The following STK32C variants were observed in gnomAD, a reference collection of about 807,000 sequenced individuals.
STK32C encodes serine/threonine-protein kinase 32C.
A neutral mutation model predicts 56.5 loss-of-function variants in STK32C; 31 were observed. The observed-to-expected ratio is 0.55, with a 90% confidence interval of 0.41 to 0.74. STK32C has a LOEUF of 0.74. Ranked by LOEUF, STK32C falls within the 30% of genes least tolerant of loss-of-function variation. STK32C has a pLI of 0.00. For synonymous variants in STK32C, 309 were observed against 289.4 expected, an observed-to-expected ratio of 1.07 and a Z score of -0.69; for missense variants, 544 against 676.9, an observed-to-expected ratio of 0.80 and a Z score of 2.18.
chr10:132,232,274 GGGT>G (rs978422002), intron 2 of STK32C, among the ~76,000 whole-genome samples: 16 of 152,202 alleles, frequency 1.1e-4, no homozygotes, highest in Non-Finnish European at 2.9e-5. Context: ...AGGTGGTTTG[GGGT>G]GGTGTGGGGT....
chr10:132,244,119 G>T (rs10870276), intron 2 of STK32C, among the ~76,000 whole-genome samples: 30,394 of 152,146 alleles, frequency 0.2, 3,544 homozygotes, highest in Non-Finnish European at 0.28. Context: ...GACCCCTCCA[G>T]GTCAGTGACA....
In STK32C at chr10:132,257,697, T is replaced by A. The variant is rs542617863; in HGVS notation, c.263-11742A>T. On this transcript the variant is annotated intron_variant, in intron 1 of 11. Coordinates refer to ENST00000298630, the MANE Select transcript of STK32C (RefSeq NM_173575.4). ...GCCCACTGTGAGCCAATGATGGCAA[T>A]CCCAGGCCTGACACCCCCACAATCC... Among the ~76,000 whole-genome samples, 18 of 143,712 alleles carry A rather than the reference T, an allele frequency of 1.3e-4. No homozygotes were observed. In the South Asian group the frequency reaches 4.0e-3, roughly 32 times the overall value. The allele number at this position is 143,712 out of a possible 152,430, so 94.3% of individuals were successfully genotyped here. A position where few individuals can be genotyped will look rare whatever the true frequency, so the allele number is the denominator to read the frequency against.
intron 1 of STK32C, among the ~76,000 whole-genome samples, chr10:132,251,231 G>A (rs769054455): frequency 5.3e-5 from 8 of 152,198 alleles, no homozygotes; most frequent in Non-Finnish European, 8.8e-5. Flanking sequence ...ACCCAGTTTC[G>A]CCTAGTCCCA....
At chr10:132,305,757 G>A (rs2066039725) in intron 1 of STK32C, among the ~76,000 whole-genome samples, 1 of 152,234 alleles carries the variant, frequency 6.6e-6, no homozygotes. Context: ...TGCCCTGCCA[G>A]TGACAGGAAG....
At chr10:132,217,790 A>G (rs1045714431) in intron 10 of STK32C, among the ~76,000 whole-genome samples, 31 of 152,090 alleles carry the variant, frequency 2.0e-4, no homozygotes, top group African/African-American at 7.2e-4. Flanking sequence ...GTAAGATGTG[A>G]CTTTCTCCTC....
At chr10:132,285,950 C>A (rs1280071316) in intron 1 of STK32C, among the ~76,000 whole-genome samples, 2 of 151,994 alleles carry the variant, frequency 1.3e-5, no homozygotes, top group South Asian at 2.1e-4. Context: ...CAGTGAAATC[C>A]CATCTCTACT....
chr10:132,254,673 C>T (rs1484468787), intron 1 of STK32C, among the ~76,000 whole-genome samples: 4 of 63,860 alleles, frequency 6.3e-5, no homozygotes, highest in Admixed American at 1.2e-4. Flanking sequence ...TATGTCACCC[C>T]GGCACAATGC....
intron 1 of STK32C, among the ~76,000 whole-genome samples, chr10:132,286,312 C>T (rs1356995675): frequency 6.6e-6 from 1 of 152,146 alleles, no homozygotes. Context: ...ACAAAGAAAA[C>T]TCCAGGGTCA....
At chr10:132,283,208 C>G (rs2065269683) in intron 1 of STK32C, among the ~76,000 whole-genome samples, 1 of 152,280 alleles carries the variant, frequency 6.6e-6, no homozygotes, top group African/African-American at 2.4e-5. Context: ...TATCTCAGCT[C>G]TGTGAGCGCT....
intron 1 of STK32C, among the ~76,000 whole-genome samples, chr10:132,282,370 C>A (rs2065239623): frequency 1.3e-5 from 2 of 152,370 alleles, no homozygotes; most frequent in South Asian, 4.1e-4. Flanking sequence ...TGGTTTCCTG[C>A]AGTTTTCTGG....
intron 10 of STK32C, among the ~76,000 whole-genome samples, chr10:132,216,817 G>T (rs191236078): frequency 1.3e-5 from 2 of 152,208 alleles, no homozygotes; most frequent in African/African-American, 4.8e-5. Context: ...TGTTGAGCCC[G>T]CAGGTGCACA....
chr10:132,290,480 T>A (rs902100886), intron 1 of STK32C, among the ~76,000 whole-genome samples: 8 of 152,248 alleles, frequency 5.3e-5, no homozygotes, highest in Non-Finnish European at 8.8e-5. Context: ...ATGCGATTAC[T>A]GTGCACATGT....
intron 1 of STK32C, among the ~76,000 whole-genome samples, chr10:132,304,225 T>C (rs2065992244): frequency 6.6e-6 from 1 of 152,186 alleles, no homozygotes; most frequent in Admixed American, 6.5e-5. Flanking sequence ...AAGTCACAGC[T>C]GCTCAGGGGA....
At chr10:132,230,489 T>TACA (rs1383790565) in intron 2 of STK32C, among the ~76,000 whole-genome samples, 7 of 151,978 alleles carry the variant, frequency 4.6e-5, no homozygotes, top group African/African-American at 1.5e-4. Flanking sequence ...AGACGGTCAC[T>TACA]GCAGGCTCAA....
chr10:132,279,282 T>C (rs1214540928), intron 1 of STK32C, among the ~76,000 whole-genome samples: 1 of 152,178 alleles, frequency 6.6e-6, no homozygotes, highest in Non-Finnish European at 1.5e-5. Flanking sequence ...GACATGACCA[T>C]GTTACGGCCA....
rs538507868 is a variant in STK32C, at chr10:132,294,696, C to T, written c.262+12876G>A. ...TTGACCTCGCACCATCTACAGCCAA[C>T]AGCTCAGCCTCTGATCCAGGCATGG... On this transcript the variant is annotated intron_variant, in intron 1 of 11. Coordinates refer to ENST00000298630, the MANE Select transcript of STK32C (RefSeq NM_173575.4). 3.3e-5 allele frequency among the ~76,000 whole-genome samples: 5 copies of T among 152,278 alleles called. No homozygotes were observed. In the East Asian group the frequency reaches 9.7e-4, roughly 29 times the overall value.
At chr10:132,280,977 ATGATCACGCCCCTGCACTCCG>A (rs1417305830) in intron 1 of STK32C, among the ~76,000 whole-genome samples, 80 of 97,328 alleles carry the variant, frequency 8.2e-4, no homozygotes, top group Non-Finnish European at 1.3e-3. Flanking sequence ...CCTCCATTCC[ATGATCACGCCCCTGCACTCCG>A]TGATCACGCC....
chr10:132,331,417 C>A, intron 1 of STK32C: 1 of 1,595,550 alleles, frequency 6.3e-7, no homozygotes, highest in South Asian at 1.1e-5. Flanking sequence ...TTCTCAAAAC[C>A]CTTCCTCAGG....
Position 132,230,131 on chromosome 10 carries a change from C to T in STK32C, c.319-2003G>A, listed in dbSNP as rs953486673. ...AGAACAGACGGAGACTAAGCTTGAACGAGGCCGCCTTGGGAGGGCGGGGCG... is the reference window on the plus strand; with the variant it reads ...AGAACAGACGGAGACTAAGCTTGAATGAGGCCGCCTTGGGAGGGCGGGGCG... On this transcript the variant is annotated intron_variant, in intron 2 of 11. Coordinates refer to ENST00000298630, the MANE Select transcript of STK32C (RefSeq NM_173575.4). Among the ~76,000 whole-genome samples the T allele has an allele frequency of 2.6e-5, 4 of 151,468 alleles. No homozygotes were observed. The East Asian group carries it at 5.9e-4, about 22-fold the overall frequency.
Sources: gnomAD v4.1 joint callset for allele counts (sites outside exome capture counted in the v4.1 genomes callset) on GRCh38, gnomAD v4.1.1 for gene constraint, MANE v1.5 for transcripts, NCBI Gene and HGNC (gene_info 2026-07-23, HGNC 2026-07-21) for gene names.